Variants in RGS3 observed in about 807,000 individuals in gnomAD.
The protein encoded by RGS3 is regulator of G-protein signalling 3.
A neutral mutation model predicts 132.6 loss-of-function variants in RGS3; 80 were observed. That is an observed-to-expected ratio of 0.60 (90% CI 0.50 to 0.73). The LOEUF (loss-of-function observed/expected upper bound fraction) is 0.73, where lower values mean the gene tolerates loss of function less well. RGS3 is among the 30% of genes least tolerant of loss of function. RGS3 has a pLI of 0.00. For missense variants in RGS3, 1,382 were observed against 1,530.8 expected, an observed-to-expected ratio of 0.90 and a Z score of 1.62; for synonymous variants, 598 against 620.6, an observed-to-expected ratio of 0.96 and a Z score of 0.54.
At chr9:113,527,523 G>A (rs948507955) in intron 17 of RGS3, among the ~76,000 whole-genome samples, 1 of 152,192 alleles carries the variant, frequency 6.6e-6, no homozygotes, top group Non-Finnish European at 1.5e-5. Flanking sequence ...TCTTAGGCAG[G>A]ACTCCCTCCC....
At chr9:113,447,329 G>GTATATGTATATATATATATATATATA (rs1554751011) in intron 1 of RGS3, among the ~76,000 whole-genome samples, 7 of 27,544 alleles carry the variant, frequency 2.5e-4, no homozygotes, top group African/African-American at 6.9e-4. Flanking sequence ...GTATGTATAT[G>GTATATGTATATATATATATATATATA]TATATATATA....
rs542337915 is a variant in RGS3 at position 113,565,163 on chromosome 9, C to T, written c.2038-18287C>T. Reference sequence around the variant, plus strand: ...AGCCACAGGGGACCCACAGCCTATGCGTGTGAGCATGTAACCCGGGAGCCA... The same window carrying T: ...AGCCACAGGGGACCCACAGCCTATGTGTGTGAGCATGTAACCCGGGAGCCA... On this transcript the variant is annotated intron_variant, in intron 19 of 24. Transcript: ENST00000350696. This position sits in a 1 kb window ranked among gnomAD's most constrained non-coding sequence, Gnocchi z 5.7. 4.7e-4 allele frequency: 572 copies of T among 1,221,884 alleles called. 8 individuals are homozygous for T. The South Asian group carries it at 7.7e-3, about 17-fold the overall frequency. The allele number at this position is 1,221,884 out of a possible 1,614,324, so 75.7% of individuals were successfully genotyped here.
intron 10 of RGS3, among the ~76,000 whole-genome samples, chr9:113,504,775 T>G (rs1831057238): frequency 1.3e-5 from 2 of 152,206 alleles, no homozygotes; most frequent in South Asian, 4.1e-4. Flanking sequence ...GTCAAGCACA[T>G]GGGCCTCAGC....
At chr9:113,583,269 G>A in intron 19 of RGS3, 181 bp from the exon 18 acceptor site, 3 of 1,085,726 alleles carry the variant, frequency 2.8e-6, no homozygotes, top group Non-Finnish European at 3.8e-6. Flanking sequence ...CAAGAAGACA[G>A]GGTGAGAATT....
chr9:113,563,130 G>C (rs867375), intron 19 of RGS3, among the ~76,000 whole-genome samples: 13,327 of 152,286 alleles, frequency 0.088, 673 homozygotes, highest in Non-Finnish European at 0.097. Flanking sequence ...ACCATGCTAT[G>C]GTCCAGAGCA....
intron 3 of RGS3, 62 bp from the exon 2 acceptor site, chr9:113,479,429 G>GT: frequency 6.5e-7 from 1 of 1,527,746 alleles, no homozygotes; most frequent in Non-Finnish European, 9.1e-7. Context: ...CTTTCCTCTA[G>GT]TTTTTTCCAC....
chr9:113,532,302 T>A (rs1423540514), intron 18 of RGS3, among the ~76,000 whole-genome samples: 1 of 152,094 alleles, frequency 6.6e-6, no homozygotes, highest in East Asian at 1.9e-4. Flanking sequence ...TGTCCCCAAT[T>A]TAGACAGATT....
chr9:113,444,878 C>T (rs187284995), exon 1 of RGS3: 5 of 152,330 alleles, frequency 3.3e-5, no homozygotes, highest in East Asian at 1.9e-4. Context: ...GAGGAGTACT[C>T]GTGAACCCCT....
chr9:113,480,276 C>G (rs1308432130), intron 4 of RGS3, among the ~76,000 whole-genome samples: 8 of 151,812 alleles, frequency 5.3e-5, no homozygotes, highest in Non-Finnish European at 1.0e-4. Context: ...GGCCAACATA[C>G]TGAAACCCCG....
intron 3 of RGS3, among the ~76,000 whole-genome samples, chr9:113,472,095 A>G (rs560750124): frequency 6.6e-6 from 1 of 152,350 alleles, no homozygotes; most frequent in African/African-American, 2.4e-5. Flanking sequence ...TAGAATGACT[A>G]TAATAAAAAA....
chr9:113,497,351 T>C (rs766180406), exon 9 of RGS3: 1 of 1,613,836 alleles, frequency 6.2e-7, no homozygotes, highest in Non-Finnish European at 8.5e-7. Flanking sequence ...GGGGAGCACC[T>C]GGGCCGGACC....
rs1010619969 is a variant in RGS3 at position 113,496,547 on chromosome 9, C to T, written c.750+701C>T. ...TGAGTCCTAAAGAGCTTCTCTCTCTCTCTCTCTTTTTTTTTTCTTTTGAGA... is the reference window on the plus strand; with the variant it reads ...TGAGTCCTAAAGAGCTTCTCTCTCTTTCTCTCTTTTTTTTTTCTTTTGAGA... On this transcript the variant is annotated intron_variant, in intron 8 of 24. Coordinates refer to ENST00000350696, the Ensembl canonical transcript of RGS3. Among the ~76,000 whole-genome samples the T allele has an allele frequency of 1.3e-4, 19 of 151,722 alleles. 1 individual carries two copies. Among genetic ancestry groups the T allele is most frequent in the Non-Finnish European group, 1.5e-5 (1 of 67,964 alleles).
At position 113,507,175 on chromosome 9, in the gene RGS3, C is replaced by A. The variant is rs1360521863; in HGVS notation, c.1086-112C>A. 2.4e-6 allele frequency: 2 copies of A among 843,552 alleles called. No homozygotes were observed. The highest frequency in any genetic ancestry group is 3.7e-6 in the Non-Finnish European group (2 of 544,804). 52.3% of individuals were successfully genotyped at this position (843,552 alleles called of 1,614,324 possible). A position where few individuals can be genotyped will look rare whatever the true frequency, so the allele number is the denominator to read the frequency against. ...TGCCCTGACACTGGGGGCTTCCCCT[C>A]TGGTGTCTGCCTCCTCTTCCCCCAT... On this transcript the variant is annotated intron_variant, in intron 12 of 24. Coordinates refer to ENST00000350696, the Ensembl canonical transcript of RGS3. The surrounding 1 kb of genome is among the most constrained non-coding windows in gnomAD (Gnocchi z 5.0).
At chr9:113,522,122 A>G (rs1831985482) in intron 16 of RGS3, 1 of 152,224 alleles carries the variant, frequency 6.6e-6, no homozygotes, top group South Asian at 2.1e-4. Flanking sequence ...TGGTTTACCT[A>G]TAATGTCTAA....
chr9:113,461,941 G>A, intron 2 of RGS3: 1 of 1,591,612 alleles, frequency 6.3e-7, no homozygotes, highest in South Asian at 1.1e-5. Context: ...ATGCTTTCTA[G>A]TTCCTACTGG....
rs562274545 is a variant in RGS3 at position 113,450,601 on chromosome 9, G to T, written c.-13+5674G>T. On this transcript the variant is annotated intron_variant, in intron 1 of 25. Transcript: ENST00000374140. ...AGGCAGAGGTGGTGCTGGGCCCTGGGAATGGAGAGAGATCTAGGAGTCGTT... is the reference window on the plus strand; with the variant it reads ...AGGCAGAGGTGGTGCTGGGCCCTGGTAATGGAGAGAGATCTAGGAGTCGTT... Among the ~76,000 whole-genome samples, 5 of 152,220 alleles carry T rather than the reference G, an allele frequency of 3.3e-5. No individual in the cohort carries two copies. The East Asian group carries it at 9.7e-4, about 29-fold the overall frequency.
intron 20 of RGS3, among the ~76,000 whole-genome samples, chr9:113,589,724 G>T (rs1835319790): frequency 6.6e-6 from 1 of 152,326 alleles, no homozygotes; most frequent in South Asian, 2.1e-4. Context: ...GGTGACAGTG[G>T]TAACACTCAC....
chr9:113,588,356 A>T (rs182742652), intron 20 of RGS3, among the ~76,000 whole-genome samples: 1 of 152,254 alleles, frequency 6.6e-6, no homozygotes, highest in East Asian at 1.9e-4. Context: ...ACGTGGTTCC[A>T]TGGGGCCTGC....
chr9:113,518,224 G>A (rs1369584165), intron 16 of RGS3, among the ~76,000 whole-genome samples: 1 of 152,182 alleles, frequency 6.6e-6, no homozygotes, highest in Non-Finnish European at 1.5e-5. Flanking sequence ...TAAACTACTT[G>A]GGTACAGAAG....
Sources: allele counts gnomAD v4.1 joint callset (sites outside exome capture counted in the v4.1 genomes callset), GRCh38; gene constraint gnomAD v4.1.1; non-coding constraint Gnocchi (gnomAD v3.1); transcripts MANE v1.5; gene names NCBI Gene and HGNC (gene_info 2026-07-23, HGNC 2026-07-21).